The following RPA3 variants were observed in gnomAD, a reference collection of about 807,000 sequenced individuals.
The protein encoded by RPA3 is replication protein A 14 kDa subunit.
RPA3 carries 24 observed loss-of-function variants against 13.7 expected under a neutral mutation model. The observed-to-expected ratio is 1.75, with a 90% CI of 1.27 to 2.46. The LOEUF is 2.46. RPA3 is among the 30% of genes most tolerant of loss of function. RPA3 has a pLI of 0.00. For synonymous variants in RPA3, 59 were observed against 51.2 expected, an observed-to-expected ratio of 1.15 and a Z score of -0.65; for missense variants, 183 against 151.0, an observed-to-expected ratio of 1.21 and a Z score of -1.11.
intron 2 of RPA3, among the ~76,000 whole-genome samples, chr7:7,695,667 A>G (rs1203835106): frequency 6.6e-6 from 1 of 152,218 alleles, no homozygotes; most frequent in Non-Finnish European, 1.5e-5. Flanking sequence ...GAATTAAAAA[A>G]GACATTGCTT....
rs77243918 is a variant in RPA3, at chr7:7,664,235, T to C, written c.-758+21595A>G. Among the ~76,000 whole-genome samples, 4 of 152,264 alleles carry C rather than the reference T, an allele frequency of 2.6e-5. No individual in the cohort carries two copies. The East Asian group carries it at 7.7e-4, about 29-fold the overall frequency. ...TCCTTTTCTTATTCATAATACCACT[T>C]TTCCATATCATTTCTGTACATCCCT... On this transcript the variant is annotated intron_variant, in intron 4 of 7. Coordinates refer to ENST00000223129, the MANE Select transcript of RPA3 (RefSeq NM_002947.5).
rs552530257 is a variant in RPA3 at position 7,690,668 on chromosome 7, T to G, written c.-1027-3340A>C. 2.0e-5 allele frequency among the ~76,000 whole-genome samples: 3 copies of G among 152,298 alleles called. No individual in the cohort carries two copies. In the South Asian group the frequency reaches 6.2e-4, roughly 32 times the overall value. On this transcript the variant is annotated intron_variant, in intron 2 of 7. Transcript: ENST00000223129. ...TGATAGTTATATATTGAGAATACTTTAATATATCTAAATTCTTTTGTTTTT... is the reference window on the plus strand; with the variant it reads ...TGATAGTTATATATTGAGAATACTTGAATATATCTAAATTCTTTTGTTTTT...
chr7:7,665,725 TA>T, intron 4 of RPA3, among the ~76,000 whole-genome samples: 1 of 152,276 alleles, frequency 6.6e-6, no homozygotes, highest in African/African-American at 2.4e-5. Context: ...ACCTCTGATA[TA>T]CTTTCTTTCA....
intron 6 of RPA3, chr7:7,638,217 C>CA: frequency 2.8e-6 from 1 of 355,868 alleles, no homozygotes; most frequent in East Asian, 5.2e-5. Context: ...AAGTTAAAGA[C>CA]AAAATCACTA....
intron 2 of RPA3, among the ~76,000 whole-genome samples, chr7:7,697,504 T>C (rs562309518): frequency 5.3e-5 from 8 of 152,354 alleles, no homozygotes; most frequent in African/African-American, 1.9e-4. Context: ...TTTTGAAATA[T>C]GATTGTGGCT....
intron 4 of RPA3, among the ~76,000 whole-genome samples, chr7:7,648,695 A>G (rs570580081): frequency 6.6e-6 from 1 of 152,064 alleles, no homozygotes; most frequent in East Asian, 1.9e-4. Context: ...TACAAAAAAT[A>G]CAAAAATTAG....
chr7:7,676,985 A>G (rs980505143), intron 4 of RPA3, among the ~76,000 whole-genome samples: 2 of 152,286 alleles, frequency 1.3e-5, no homozygotes, highest in South Asian at 2.1e-4. Context: ...GTCTCAGAGC[A>G]TACTGTATAA....
intron 5 of RPA3, chr7:7,640,033 T>C: frequency 2.3e-6 from 1 of 428,888 alleles, no homozygotes; most frequent in Middle Eastern, 6.2e-4. Flanking sequence ...AAGGTAGATG[T>C]GGGAGTGGTG....
intron 4 of RPA3, among the ~76,000 whole-genome samples, chr7:7,657,111 C>T (rs1284262530): frequency 2.0e-5 from 3 of 152,102 alleles, no homozygotes; most frequent in Admixed American, 2.0e-4. Context: ...GCATAAATGT[C>T]TTCTTTTGAG....
intron 4 of RPA3, among the ~76,000 whole-genome samples, chr7:7,649,158 C>CAAAAAAAAA (rs34943326): frequency 3.1e-5 from 4 of 128,872 alleles, no homozygotes; most frequent in Non-Finnish European, 6.4e-5. Context: ...GACTCCATCT[C>CAAAAAAAAA]AAAAAAAAAA....
At position 7,694,926 on chromosome 7, in the gene RPA3, C is replaced by T. The variant is rs7805941; in HGVS notation, c.-1027-7598G>A. 4.5e-3 allele frequency among the ~76,000 whole-genome samples: 684 copies of T among 152,198 alleles called. 7 individuals carry two copies. Among genetic ancestry groups the T allele is most frequent in the African/African-American group, 0.016 (654 of 41,544 alleles). ...CTAGCAGTGGGATTGTTGGATCATA[C>T]GGTAGTTCTATTTTTAGTTTTTTGA... On this transcript the variant is annotated intron_variant, in intron 2 of 7. Coordinates refer to ENST00000223129, the MANE Select transcript of RPA3 (RefSeq NM_002947.5).
chr7:7,659,536 T>G (rs1416939715), intron 4 of RPA3, among the ~76,000 whole-genome samples: 2 of 152,204 alleles, frequency 1.3e-5, no homozygotes, highest in African/African-American at 4.8e-5. Context: ...AAGAACATCT[T>G]TATTTCTGCC....
At chr7:7,662,634 T>C (rs1785504268) in intron 4 of RPA3, among the ~76,000 whole-genome samples, 1 of 152,164 alleles carries the variant, frequency 6.6e-6, no homozygotes, top group Admixed American at 6.5e-5. Flanking sequence ...TTCGCCCTCC[T>C]TGGGCTGCAC....
intron 4 of RPA3, among the ~76,000 whole-genome samples, chr7:7,650,611 A>C (rs1200157825): frequency 1.3e-5 from 2 of 152,186 alleles, no homozygotes; most frequent in Non-Finnish European, 2.9e-5. Flanking sequence ...TTAAATGATA[A>C]ATTTTATGTA....
chr7:7,718,490 C>G (rs1284490417), intron 1 of RPA3, 25 bp downstream of exon 1: 1 of 152,236 alleles, frequency 6.6e-6, no homozygotes, highest in South Asian at 2.1e-4. Flanking sequence ...AACTATGTAT[C>G]CAACAAATTC....
At chr7:7,669,308 A>C (rs1779548119) in intron 4 of RPA3, among the ~76,000 whole-genome samples, 2 of 152,130 alleles carry the variant, frequency 1.3e-5, no homozygotes, top group African/African-American at 4.8e-5. Flanking sequence ...TGTTAGTGGC[A>C]TTTGTAGTTA....
At chr7:7,666,633 T>C (rs776579382) in intron 4 of RPA3, among the ~76,000 whole-genome samples, 1 of 151,844 alleles carries the variant, frequency 6.6e-6, no homozygotes, top group Admixed American at 6.5e-5. Context: ...TTGCTGTTCA[T>C]GTATCTTGCT....
intron 2 of RPA3, among the ~76,000 whole-genome samples, chr7:7,710,546 G>C (rs1447318069): frequency 1.3e-5 from 2 of 152,056 alleles, no homozygotes; most frequent in East Asian, 3.8e-4. Context: ...AAAATAAATA[G>C]TAATAACACC....
chr7:7,703,268 A>G (rs1277034733), intron 2 of RPA3, among the ~76,000 whole-genome samples: 1 of 152,196 alleles, frequency 6.6e-6, no homozygotes, highest in African/African-American at 2.4e-5. Flanking sequence ...TAATAAAAAT[A>G]ATGTAGTTTC....
Sources: gnomAD v4.1 joint callset for allele counts (sites outside exome capture counted in the v4.1 genomes callset) on GRCh38, gnomAD v4.1.1 for gene constraint, MANE v1.5 for transcripts, NCBI Gene and HGNC (gene_info 2026-07-23, HGNC 2026-07-21) for gene names.